The following PDGFRL variants were observed in gnomAD, a reference collection of about 807,000 sequenced individuals.
PDGFRL encodes the protein platelet derived growth factor receptor like.
In PDGFRL, 46 loss-of-function variants were observed where a neutral mutation model predicts 37.2. The observed-to-expected ratio is 1.24, with a 90% CI of 0.98 to 1.58. The LOEUF is 1.58. Among genes scored for constraint, PDGFRL ranks in the 40% most tolerant of loss-of-function variants. The probability of loss-of-function intolerance (pLI) is 0.00; values close to 1 mark genes in which losing one functional copy is unlikely to be tolerated. For missense variants in PDGFRL, 692 were observed against 467.6 expected, an observed-to-expected ratio of 1.48 and a Z score of -4.43; for synonymous variants, 251 against 184.3, an observed-to-expected ratio of 1.36 and a Z score of -2.93.
At chr8:17,587,915 C>T (rs949171175) in intron 1 of PDGFRL, among the ~76,000 whole-genome samples, 4 of 152,156 alleles carry the variant, frequency 2.6e-5, no homozygotes, top group Non-Finnish European at 4.4e-5. Context: ...CAGGCATGAG[C>T]CACCACACCT....
At chr8:17,631,361 C>T (rs1211329041) in intron 4 of PDGFRL, among the ~76,000 whole-genome samples, 1 of 152,152 alleles carries the variant, frequency 6.6e-6, no homozygotes, top group Non-Finnish European at 1.5e-5. Context: ...TGGAGCTTCT[C>T]AGCCACCCTG....
intron 2 of PDGFRL, among the ~76,000 whole-genome samples, chr8:17,606,940 G>C (rs1482687120): frequency 6.6e-4 from 94 of 141,682 alleles, no homozygotes; most frequent in African/African-American, 2.4e-3. Flanking sequence ...CTGTCACCCA[G>C]GCTGGAGTGC....
chr8:17,591,571 C>T (rs890664594), intron 2 of PDGFRL, among the ~76,000 whole-genome samples: 2 of 152,154 alleles, frequency 1.3e-5, no homozygotes, highest in Non-Finnish European at 2.9e-5. Context: ...GATGGACTTA[C>T]AATGGAGAAA....
At chr8:17,630,668 G>C (rs896069507) in intron 4 of PDGFRL, among the ~76,000 whole-genome samples, 1 of 152,210 alleles carries the variant, frequency 6.6e-6, no homozygotes, top group Admixed American at 6.5e-5. Context: ...TGGGGCACCA[G>C]GTTAGGGGAA....
intron 2 of PDGFRL, 77 bp downstream of exon 2, chr8:17,589,842 C>G (rs752127666): frequency 3.5e-6 from 3 of 845,256 alleles, no homozygotes; most frequent in Non-Finnish European, 5.6e-6. Flanking sequence ...ACTATTATTA[C>G]ACATTGTTTC....
intron 1 of PDGFRL, among the ~76,000 whole-genome samples, chr8:17,586,377 G>A (rs1803817481): frequency 6.6e-6 from 1 of 152,162 alleles, no homozygotes; most frequent in Non-Finnish European, 1.5e-5. Flanking sequence ...GTTTGGCTTG[G>A]AACTCCATGT....
chr8:17,613,988 T>C (rs1003628147), intron 2 of PDGFRL, among the ~76,000 whole-genome samples: 3 of 152,318 alleles, frequency 2.0e-5, no homozygotes, highest in Non-Finnish European at 4.4e-5. Context: ...AAATATTGTA[T>C]CACATTGCAA....
chr8:17,599,403 T>C (rs1804121001), intron 2 of PDGFRL, among the ~76,000 whole-genome samples: 1 of 152,252 alleles, frequency 6.6e-6, no homozygotes, highest in South Asian at 2.1e-4. Context: ...ATGTTTTCTA[T>C]TCCTGAGTTA....
intron 1 of PDGFRL, among the ~76,000 whole-genome samples, chr8:17,584,113 G>C (rs1398548745): frequency 6.6e-6 from 1 of 152,164 alleles, no homozygotes; most frequent in Non-Finnish European, 1.5e-5. Flanking sequence ...GCTGAGTTCA[G>C]GGTCTGTTTT....
intron 2 of PDGFRL, among the ~76,000 whole-genome samples, chr8:17,613,248 G>C (rs1804458322): frequency 6.6e-6 from 1 of 152,094 alleles, no homozygotes. Context: ...GAGGATCGCT[G>C]GTGTGTCAGG....
At chr8:17,613,788 A>G (rs1296912135) in intron 2 of PDGFRL, among the ~76,000 whole-genome samples, 1 of 152,186 alleles carries the variant, frequency 6.6e-6, no homozygotes, top group African/African-American at 2.4e-5. Flanking sequence ...CTGAGGTGGG[A>G]GGATGGTGTG....
At chr8:17,604,851 C>T (rs188894583) in intron 2 of PDGFRL, among the ~76,000 whole-genome samples, 27 of 152,248 alleles carry the variant, frequency 1.8e-4, no homozygotes, top group Admixed American at 4.6e-4. Context: ...TGGTGGCTCA[C>T]GCCTGTAATT....
chr8:17,632,036 C>T (rs1469827373), intron 4 of PDGFRL, among the ~76,000 whole-genome samples: 2 of 152,212 alleles, frequency 1.3e-5, no homozygotes, highest in African/African-American at 2.4e-5. Context: ...CCATCCTCCG[C>T]GTGCCATCCC....
chr8:17,608,876 A>G (rs1171568846), intron 2 of PDGFRL, among the ~76,000 whole-genome samples: 1 of 152,096 alleles, frequency 6.6e-6, no homozygotes, highest in African/African-American at 2.4e-5. Flanking sequence ...TGATGACCTG[A>G]TTGTTGGAGA....
chr8:17,638,776 TATATATATATAA>T (rs1432575172), intron 5 of PDGFRL, among the ~76,000 whole-genome samples: 3 of 106,020 alleles, frequency 2.8e-5, no homozygotes, highest in African/African-American at 8.8e-5. Flanking sequence ...TATATATATA[TATATATATATAA>T]TTGTGATATT....
chr8:17,627,211 G>C (rs1309671700), intron 3 of PDGFRL, among the ~76,000 whole-genome samples: 1 of 152,068 alleles, frequency 6.6e-6, no homozygotes, highest in African/African-American at 2.4e-5. Flanking sequence ...AACTGCTAAG[G>C]GTTTAAAACT....
chr8:17,638,278 TTCCA>T (rs1213181920), intron 5 of PDGFRL, among the ~76,000 whole-genome samples: 1 of 152,232 alleles, frequency 6.6e-6, no homozygotes, highest in African/African-American at 2.4e-5. Flanking sequence ...ATTTTTTAAC[TTCCA>T]TCGTGATTTC....
At chr8:17,584,717 C>CTTTT (rs58165312) in intron 1 of PDGFRL, among the ~76,000 whole-genome samples, 2 of 145,208 alleles carry the variant, frequency 1.4e-5, no homozygotes, top group South Asian at 4.4e-4. Context: ...TCAGAAACTG[C>CTTTT]TTTTTTTTTT....
intron 2 of PDGFRL, among the ~76,000 whole-genome samples, chr8:17,619,842 G>C (rs954911527): frequency 6.6e-6 from 1 of 152,194 alleles, no homozygotes; most frequent in Non-Finnish European, 1.5e-5. Context: ...TTTTACTTAA[G>C]GAAACCGCAG....
Sources: gnomAD v4.1 joint callset for allele counts (sites outside exome capture counted in the v4.1 genomes callset) on GRCh38, gnomAD v4.1.1 for gene constraint, MANE v1.5 for transcripts, NCBI Gene and HGNC (gene_info 2026-07-23, HGNC 2026-07-21) for gene names.